FYB2: variants seen among roughly 807,000 people sequenced by gnomAD.
FYB2 encodes FYN binding protein 2.
FYB2 carries 103 observed loss-of-function variants against 94.1 expected under a neutral mutation model. The observed-to-expected ratio is 1.09, with a 90% confidence interval of 0.93 to 1.29. The LOEUF (loss-of-function observed/expected upper bound fraction) is 1.29. FYB2 is among the 50% of genes most tolerant of loss of function. The pLI, the probability that FYB2 is intolerant of heterozygous loss-of-function variation, is 0.00. For missense variants in FYB2, 896 were observed against 841.5 expected (o/e 1.06, Z -0.80); for synonymous variants, 293 against 287.9 (o/e 1.02, Z -0.18).
At chr1:56,798,085 G>A (rs142138141) in intron 1 of FYB2, among the ~76,000 whole-genome samples, 69 of 152,304 alleles carry the variant, frequency 4.5e-4, no homozygotes, top group African/African-American at 1.2e-3. Flanking sequence ...AGTGACCCAC[G>A]AAATCCTTGG....
At chr1:56,800,013 T>C (rs1188245793) in intron 1 of FYB2, among the ~76,000 whole-genome samples, 1 of 152,224 alleles carries the variant, frequency 6.6e-6, no homozygotes, top group Admixed American at 6.5e-5. Context: ...CATTTCTGAA[T>C]GTCTGCACAT....
chr1:56,762,513 T>C (rs1381121874), intron 5 of FYB2, among the ~76,000 whole-genome samples: 1 of 152,220 alleles, frequency 6.6e-6, no homozygotes, highest in Non-Finnish European at 1.5e-5. Flanking sequence ...TTTTTCAATT[T>C]CAGTATTTGT....
At chr1:56,738,903 A>C (rs1178032946) in intron 13 of FYB2, among the ~76,000 whole-genome samples, 3 of 152,140 alleles carry the variant, frequency 2.0e-5, no homozygotes, top group African/African-American at 4.8e-5. Flanking sequence ...ACATTCAATA[A>C]GGGACAATAT....
At chr1:56,785,691 T>G (rs1197603789) in intron 4 of FYB2, among the ~76,000 whole-genome samples, 2 of 152,224 alleles carry the variant, frequency 1.3e-5, no homozygotes, top group Non-Finnish European at 2.9e-5. Context: ...ACACTCTAAG[T>G]GTACTTATTT....
At chr1:56,822,711 A>G (rs1437783914), upstream of FYB2, among the ~76,000 whole-genome samples, 1 of 150,064 alleles carries the variant, frequency 6.7e-6, no homozygotes, top group Non-Finnish European at 1.5e-5. Flanking sequence ...TACACTTTGT[A>G]TCATAAGCAA....
chr1:56,733,624 T>C (rs1415978392), intron 15 of FYB2, among the ~76,000 whole-genome samples: 5 of 152,190 alleles, frequency 3.3e-5, no homozygotes, highest in African/African-American at 1.2e-4. Flanking sequence ...GAGATTCTGG[T>C]ACGTTGTGTC....
At chr1:56,802,095 G>C (rs1410345873) in intron 1 of FYB2, among the ~76,000 whole-genome samples, 1 of 152,098 alleles carries the variant, frequency 6.6e-6, no homozygotes, top group Non-Finnish European at 1.5e-5. Context: ...AACACAGTGG[G>C]CAACTCCTAC....
At chr1:56,739,402 G>A (rs1476064849) in intron 13 of FYB2, among the ~76,000 whole-genome samples, 36 of 151,898 alleles carry the variant, frequency 2.4e-4, no homozygotes, top group Non-Finnish European at 1.0e-4. Context: ...TAAACCTCAT[G>A]TTTTGTAGGG....
intron 1 of FYB2, among the ~76,000 whole-genome samples, chr1:56,804,657 G>C (rs1267487613): frequency 6.6e-6 from 1 of 152,086 alleles, no homozygotes; most frequent in Admixed American, 6.6e-5. Flanking sequence ...TTGAACCCAG[G>C]AGGCAGAGGT....
intron 1 of FYB2, among the ~76,000 whole-genome samples, chr1:56,800,660 C>T (rs925841386): frequency 3.3e-5 from 5 of 152,094 alleles, no homozygotes; most frequent in Non-Finnish European, 7.4e-5. Context: ...ATACTCACCA[C>T]ATGGGGTGTA....
At chr1:56,803,227 GTAAAACATATTAATGTTCA>G (rs1646562271) in intron 1 of FYB2, among the ~76,000 whole-genome samples, 1 of 152,110 alleles carries the variant, frequency 6.6e-6, no homozygotes, top group African/African-American at 2.4e-5. Flanking sequence ...CATTTCTATA[GTAAAACATATTAATGTTCA>G]TATAATGCAA....
At chr1:56,820,843 A>T (rs1258225397), upstream of FYB2, among the ~76,000 whole-genome samples, 2 of 152,202 alleles carry the variant, frequency 1.3e-5, no homozygotes, top group African/African-American at 4.8e-5. Context: ...CATCAGCTAA[A>T]AGAAAAACTC....
chr1:56,803,910 C>T (rs1646578268), intron 1 of FYB2, among the ~76,000 whole-genome samples: 1 of 152,326 alleles, frequency 6.6e-6, no homozygotes, highest in African/African-American at 2.4e-5. Flanking sequence ...CCCTTCAAAG[C>T]TTAACCTCTT....
intron 9 of FYB2, among the ~76,000 whole-genome samples, chr1:56,744,570 G>A (rs1022207209): frequency 1.3e-5 from 2 of 152,018 alleles, no homozygotes; most frequent in South Asian, 2.1e-4. Context: ...TTCTTTGATG[G>A]TTCTTCCTTT....
chr1:56,803,733 G>A (rs982178946), intron 1 of FYB2, among the ~76,000 whole-genome samples: 11 of 152,180 alleles, frequency 7.2e-5, no homozygotes, highest in Non-Finnish European at 8.8e-5. Flanking sequence ...TTGCAGTCAC[G>A]TAGAACTCCT....
At chr1:56,758,692 A>G in intron 6 of FYB2, 24 bp downstream of exon 6, 1 of 1,561,030 alleles carries the variant, frequency 6.4e-7, no homozygotes, top group Non-Finnish European at 8.7e-7. Context: ...TTTTAGTTAC[A>G]ATGTTGGTAA....
chr1:56,788,361 A>G (rs1396839667), intron 3 of FYB2, among the ~76,000 whole-genome samples: 1 of 152,264 alleles, frequency 6.6e-6, no homozygotes, highest in East Asian at 1.9e-4. Flanking sequence ...TAGAGCAAAC[A>G]TAAGCTAAGG....
chr1:56,806,118 C>T (rs1347887804), intron 1 of FYB2, among the ~76,000 whole-genome samples: 1 of 152,158 alleles, frequency 6.6e-6, no homozygotes, highest in Non-Finnish European at 1.5e-5. Context: ...GAGGCAGACA[C>T]AGGCCTTGCT....
In FYB2 at chr1:56,737,145, G is replaced by A; in HGVS notation, c.1735C>T (p.Leu579Phe). The A allele has an allele frequency of 6.2e-7, 1 of 1,603,714 alleles. No individual in the cohort carries two copies. ...AFSILLPDLE[L>F]KSQEVIIYDD... is the part of the protein sequence containing the mutation. ...TAAATAATAACTTCCTGAGACTTAA[G>A]TTCTAGGGTCAAGACAGAATCAAAA... The change falls in exon 15 of 20, where the codon CTT (leucine) becomes TTT (phenylalanine). Residue 579 changes from leucine to phenylalanine, a missense_variant and splice_region_variant. Transcript: ENST00000343433.
Sources: allele counts gnomAD v4.1 joint callset (sites outside exome capture counted in the v4.1 genomes callset), GRCh38; gene constraint gnomAD v4.1.1; transcripts MANE v1.5; gene names NCBI Gene and HGNC (gene_info 2026-07-23, HGNC 2026-07-21).